The following HINT3 variants were observed in gnomAD, a reference collection of about 807,000 sequenced individuals.
HINT3 encodes histidine triad nucleotide binding protein 3.
Under a neutral mutation model 19.1 loss-of-function variants are expected in HINT3, and 16 were observed. That is an observed-to-expected ratio of 0.84 (90% CI 0.57 to 1.27). HINT3 has a LOEUF of 1.27. Among genes scored for constraint, HINT3 ranks in the 50% most tolerant of loss-of-function variants. The probability of loss-of-function intolerance (pLI) is 0.00; values close to 1 mark genes in which losing one functional copy is unlikely to be tolerated. For missense variants in HINT3, 197 were observed against 225.8 expected (o/e 0.87, Z 0.82); for synonymous variants, 75 against 84.8 (o/e 0.88, Z 0.63).
chr6:125,977,201 G>T (rs1789191529), intron 4 of HINT3, among the ~76,000 whole-genome samples: 1 of 152,090 alleles, frequency 6.6e-6, no homozygotes. Context: ...AAAATCCTCT[G>T]TATGCTGCCT....
chr6:125,959,388 G>A (rs1413621668), intron 1 of HINT3, among the ~76,000 whole-genome samples: 2 of 152,168 alleles, frequency 1.3e-5, no homozygotes, highest in Non-Finnish European at 2.9e-5. Flanking sequence ...CTAAGAGAAG[G>A]GAGTATGTCA....
Position 125,980,218 on chromosome 6 carries a change from A to C in HINT3, c.*2542A>C, listed in dbSNP as rs936678914. The C allele has an allele frequency of 3.3e-5, 5 of 152,224 alleles. No individual in the cohort carries two copies. The highest frequency in any genetic ancestry group is 1.2e-4 in the African/African-American group (5 of 41,456). The allele number at this position is 152,224 out of a possible 1,614,324, so 9.4% of individuals were successfully genotyped here. A position where few individuals can be genotyped will look rare whatever the true frequency, so the allele number is the denominator to read the frequency against. On this transcript the variant is annotated 3_prime_UTR_variant, in exon 5 of 5. Coordinates refer to ENST00000229633, the MANE Select transcript of HINT3 (RefSeq NM_138571.5). ...TATTTCAAACTGCTAGAAGAAAATGAAATAAAAATGGAAAAATACTGTCAA... is the reference window on the plus strand; with the variant it reads ...TATTTCAAACTGCTAGAAGAAAATGCAATAAAAATGGAAAAATACTGTCAA...
intron 4 of HINT3, among the ~76,000 whole-genome samples, chr6:125,976,400 C>T (rs1789178908): frequency 6.6e-6 from 1 of 150,996 alleles, no homozygotes; most frequent in Non-Finnish European, 1.5e-5. Flanking sequence ...AGAGTGAGAT[C>T]TTGTCTCAAA....
At chr6:125,964,304 T>C (rs1788986118) in intron 1 of HINT3, among the ~76,000 whole-genome samples, 1 of 152,230 alleles carries the variant, frequency 6.6e-6, no homozygotes, top group Admixed American at 6.5e-5. Flanking sequence ...GATGTATACA[T>C]GTTAAATATT....
chr6:125,973,953 C>T (rs182750965), intron 3 of HINT3, among the ~76,000 whole-genome samples: 1 of 152,126 alleles, frequency 6.6e-6, no homozygotes, highest in Non-Finnish European at 1.5e-5. Flanking sequence ...CATTATATGA[C>T]TGTTTGGCAG....
intron 1 of HINT3, among the ~76,000 whole-genome samples, chr6:125,960,485 C>T (rs977487719): frequency 5.3e-5 from 8 of 152,104 alleles, no homozygotes; most frequent in African/African-American, 1.9e-4. Context: ...GGTGAAACCC[C>T]ATCTCTCCTA....
rs1788947250 is a variant in HINT3, at chr6:125,962,243, TATATATAC to T, written c.202-4642_202-4635del. On this transcript the variant is annotated intron_variant, in intron 1 of 4. Transcript: ENST00000229633. ...ATATATATATATATATACACATATA[TATATATAC>T]ACACATATATATATATATACATACA... 7.2e-5 allele frequency among the ~76,000 whole-genome samples: 3 copies of T among 41,898 alleles called. 1 individual carries two copies. Among genetic ancestry groups the T allele is most frequent in the African/African-American group, 1.8e-4 (1 of 5,504 alleles). 27.5% of individuals were successfully genotyped at this position (41,898 alleles called of 152,430 possible).
chr6:125,963,749 G>T (rs1035547210), intron 1 of HINT3, among the ~76,000 whole-genome samples: 3 of 152,124 alleles, frequency 2.0e-5, no homozygotes, highest in African/African-American at 7.2e-5. Flanking sequence ...AAACATCATG[G>T]GAGGGGGCAA....
At position 125,956,937 on chromosome 6, in the gene HINT3, C is replaced by T. The variant is rs1253304039; in HGVS notation, c.-41C>T. On this transcript the variant is annotated 5_prime_UTR_variant, in exon 1 of 5. Coordinates refer to ENST00000229633, the MANE Select transcript of HINT3 (RefSeq NM_138571.5). The stretch of plus-strand genomic sequence containing the variant: ...GCGGAGACTGCGCGGGCCCGGTAGC[C>T]CTGGAGAGGCCGAGGCTCTAGGCCG... 6 of 1,539,642 alleles carry T rather than the reference C, an allele frequency of 3.9e-6. No homozygotes were observed. The highest frequency in any genetic ancestry group is 4.4e-6 in the Non-Finnish European group (5 of 1,140,704).
At position 125,974,852 on chromosome 6, in the gene HINT3, G is replaced by A. The variant is rs370635400; in HGVS notation, c.395G>A (p.Gly132Asp). Residue 132 changes from glycine (G) to aspartate (D), a missense_variant, in exon 4 of 5, where the codon GGT (glycine) becomes GAT (aspartate). By Grantham distance (94) the Gly-to-Asp change is moderately conservative. Coordinates refer to ENST00000229633, the MANE Select transcript of HINT3 (RefSeq NM_138571.5). ...CTCTTTACTTTCTATTTTAGGATGG[G>A]TTTTCATATGCCACCATTCTGTTCC... Reference protein sequence around the residue: ...NFTDFTNVRMGFHMPPFCSIS... With the variant: ...NFTDFTNVRMDFHMPPFCSIS... 1.9e-6 allele frequency: 3 copies of A among 1,611,300 alleles called. No individual in the cohort carries two copies. Among genetic ancestry groups the A allele is most frequent in the African/African-American group, 1.3e-5 (1 of 74,826 alleles).
intron 2 of HINT3, among the ~76,000 whole-genome samples, chr6:125,971,258 G>A (rs1789093329): frequency 6.6e-6 from 1 of 152,166 alleles, no homozygotes; most frequent in Admixed American, 6.5e-5. Flanking sequence ...TAGGCTGACT[G>A]GAAGGGATAC....
At chr6:125,959,274 C>T (rs937488877) in intron 1 of HINT3, among the ~76,000 whole-genome samples, 44 of 151,954 alleles carry the variant, frequency 2.9e-4, no homozygotes, top group Non-Finnish European at 5.7e-4. Flanking sequence ...GGGAGGCCTA[C>T]ACAGAACTCT....
chr6:125,967,164 A>G (rs1490380537), intron 2 of HINT3, among the ~76,000 whole-genome samples, 160 bp downstream of exon 2: 1 of 152,182 alleles, frequency 6.6e-6, no homozygotes, highest in Non-Finnish European at 1.5e-5. Flanking sequence ...TCATTAAAAA[A>G]TAGTATAATA....
intron 2 of HINT3, among the ~76,000 whole-genome samples, chr6:125,969,407 A>G (rs1366864781): frequency 6.6e-6 from 1 of 151,952 alleles, no homozygotes; most frequent in Admixed American, 6.6e-5. Context: ...GGTTATATAG[A>G]CTTATAGTAT....
At chr6:125,961,993 G>T (rs1254593324) in intron 1 of HINT3, among the ~76,000 whole-genome samples, 2 of 151,342 alleles carry the variant, frequency 1.3e-5, no homozygotes, top group Non-Finnish European at 2.9e-5. Flanking sequence ...GTCCTGACTT[G>T]GGCAGGTGAG....
intron 1 of HINT3, among the ~76,000 whole-genome samples, chr6:125,962,237 CATATATATATAT>C (rs1334416940): frequency 1.3e-4 from 2 of 15,746 alleles, no homozygotes; most frequent in African/African-American, 3.2e-4. Flanking sequence ...TATATATACA[CATATATATATAT>C]ACACACATAT....
chr6:125,963,539 T>C (rs1788974801), intron 1 of HINT3, among the ~76,000 whole-genome samples: 1 of 152,242 alleles, frequency 6.6e-6, no homozygotes, highest in Non-Finnish European at 1.5e-5. Flanking sequence ...TTAAATTGTT[T>C]ATTAGAGTCA....
At chr6:125,965,700 CATT>C (rs957028366) in intron 1 of HINT3, among the ~76,000 whole-genome samples, 1 of 152,050 alleles carries the variant, frequency 6.6e-6, no homozygotes, top group Non-Finnish European at 1.5e-5. Flanking sequence ...TGCAGTGAGC[CATT>C]ATTGTGCCAC....
chr6:125,960,710 C>A, intron 1 of HINT3, among the ~76,000 whole-genome samples: 1 of 142,692 alleles, frequency 7.0e-6, no homozygotes, highest in Non-Finnish European at 1.5e-5. Context: ...AGTGGTAGAC[C>A]ATGGAATATA....
Sources: allele counts gnomAD v4.1 joint callset (sites outside exome capture counted in the v4.1 genomes callset), GRCh38; gene constraint gnomAD v4.1.1; transcripts MANE v1.5; gene names NCBI Gene and HGNC (gene_info 2026-07-23, HGNC 2026-07-21).